LOC128462377: variants seen among roughly 807,000 people sequenced by gnomAD.
chr16:89,348,476 G>C, the LOC128462377 span, among the ~76,000 whole-genome samples: 1 of 152,142 alleles, frequency 6.6e-6, no homozygotes, highest in East Asian at 1.9e-4. Flanking sequence ...TAGAAAGACT[G>C]GATGTGTACC....
chr16:89,391,632 G>A, the LOC128462377 span, among the ~76,000 whole-genome samples: 26 of 152,316 alleles, frequency 1.7e-4, no homozygotes, highest in Non-Finnish European at 2.2e-4. Flanking sequence ...AAGCTACACA[G>A]ACAGATACAC....
chr16:89,355,946 C>T, the LOC128462377 span, among the ~76,000 whole-genome samples: 1 of 152,274 alleles, frequency 6.6e-6, no homozygotes, highest in South Asian at 2.1e-4. Flanking sequence ...AAGTGACTCG[C>T]CCAAGACCAC....
the LOC128462377 span, among the ~76,000 whole-genome samples, chr16:89,326,162 C>G: frequency 6.6e-6 from 1 of 152,200 alleles, no homozygotes; most frequent in South Asian, 2.1e-4. Flanking sequence ...GGTACAATTG[C>G]ACAGCTAAAA....
At chr16:89,416,607 T>G in the LOC128462377 span, among the ~76,000 whole-genome samples, 1 of 151,844 alleles carries the variant, frequency 6.6e-6, no homozygotes, top group Non-Finnish European at 1.5e-5. Context: ...CACTAATTGC[T>G]GATTAATAAT....
the LOC128462377 span, among the ~76,000 whole-genome samples, chr16:89,389,946 C>T: frequency 1.3e-5 from 1 of 75,312 alleles, no homozygotes; most frequent in Non-Finnish European, 2.6e-5. Flanking sequence ...CGGGGAGCAC[C>T]GAGAGAGAAG....
the LOC128462377 span, among the ~76,000 whole-genome samples, chr16:89,385,546 A>G: frequency 6.6e-6 from 1 of 152,056 alleles, no homozygotes; most frequent in East Asian, 1.9e-4. Context: ...CAGAGCCTCA[A>G]GCTGCTCCCT....
chr16:89,331,909 T>TG, the LOC128462377 span, among the ~76,000 whole-genome samples: 2 of 152,206 alleles, frequency 1.3e-5, no homozygotes, highest in Non-Finnish European at 2.9e-5. Context: ...CTCCTGCACG[T>TG]GGGCCCCACA....
the LOC128462377 span, among the ~76,000 whole-genome samples, chr16:89,319,326 G>C: frequency 5.9e-4 from 90 of 152,336 alleles, 3 homozygotes; most frequent in South Asian, 0.018. Flanking sequence ...CTTTGCCCAG[G>C]CACCTTCCCC....
chr16:89,367,447 C>T, the LOC128462377 span, among the ~76,000 whole-genome samples: 1 of 152,162 alleles, frequency 6.6e-6, no homozygotes, highest in South Asian at 2.1e-4. Flanking sequence ...TCTCAAACGA[C>T]CGGGAGTCTC....
the LOC128462377 span, among the ~76,000 whole-genome samples, chr16:89,410,681 A>G: frequency 1.3e-5 from 2 of 152,254 alleles, no homozygotes; most frequent in Non-Finnish European, 2.9e-5. Flanking sequence ...CCTAATAAAT[A>G]AATCATCCAT....
chr16:89,355,604 C>T, the LOC128462377 span, among the ~76,000 whole-genome samples: 1,133 of 152,210 alleles, frequency 7.4e-3, 14 homozygotes, highest in African/African-American at 0.025. Flanking sequence ...CAAAAATAGA[C>T]TGAAATGTCA....
At chr16:89,343,535 C>G in the LOC128462377 span, 1 of 152,228 alleles carries the variant, frequency 6.6e-6, no homozygotes, top group Non-Finnish European at 1.5e-5. Flanking sequence ...TCGAGGTGGG[C>G]TGGAGGCATG....
At chr16:89,321,109 C>T in the LOC128462377 span, 1 of 152,656 alleles carries the variant, frequency 6.6e-6, no homozygotes, top group Admixed American at 6.5e-5. Flanking sequence ...CCCTCCCCCT[C>T]CGCACACACA....
chr16:89,384,874 G>GTTTTTTT, the LOC128462377 span, among the ~76,000 whole-genome samples: 15 of 72,762 alleles, frequency 2.1e-4, no homozygotes, highest in African/African-American at 7.9e-4. Context: ...ATGAGAAATA[G>GTTTTTTT]TTTTCTTTTT....
the LOC128462377 span, among the ~76,000 whole-genome samples, chr16:89,396,743 A>G: frequency 3.3e-5 from 5 of 152,170 alleles, no homozygotes; most frequent in Non-Finnish European, 5.9e-5. Flanking sequence ...CTGGAGTGCA[A>G]TGGCGCCATC....
the LOC128462377 span, among the ~76,000 whole-genome samples, chr16:89,400,011 A>C: frequency 1.1e-4 from 16 of 148,546 alleles, no homozygotes; most frequent in African/African-American, 4.0e-4. Flanking sequence ...CTGCTGCCCC[A>C]GGCTTCCCTG....
At chr16:89,370,643 G>C in the LOC128462377 span, 2 of 152,498 alleles carry the variant, frequency 1.3e-5, no homozygotes, top group African/African-American at 4.8e-5. Flanking sequence ...ACGCCCAGGT[G>C]AGCTCAGCAT....
the LOC128462377 span, chr16:89,392,492 C>T: frequency 6.6e-6 from 1 of 152,052 alleles, no homozygotes; most frequent in Non-Finnish European, 1.5e-5. Flanking sequence ...GAAAATGTCT[C>T]AATGGGTCTG....
chr16:89,347,538 G>A, the LOC128462377 span, among the ~76,000 whole-genome samples: 6 of 150,972 alleles, frequency 4.0e-5, no homozygotes, highest in African/African-American at 9.8e-5. Flanking sequence ...GTGAACCTGG[G>A]AGATGGAGGT....
Sources: allele counts gnomAD v4.1 joint callset (sites outside exome capture counted in the v4.1 genomes callset), GRCh38; gene constraint gnomAD v4.1.1; transcripts MANE v1.5.